The following CCDC12 variants were observed in gnomAD, a reference collection of about 807,000 sequenced individuals.
CCDC12 encodes the protein coiled-coil domain-containing protein 12.
Under a neutral mutation model 25.7 loss-of-function variants are expected in CCDC12, and 28 were observed. That is an observed-to-expected ratio of 1.09 (90% CI 0.81 to 1.50). CCDC12 has a LOEUF of 1.50. CCDC12 is among the 40% of genes most tolerant of loss of function. The probability of loss-of-function intolerance (pLI) is 0.00; values close to 1 mark genes in which losing one functional copy is unlikely to be tolerated. For missense variants in CCDC12, 198 were observed against 210.0 expected (o/e 0.94, Z 0.35); for synonymous variants, 75 against 87.7 (o/e 0.86, Z 0.81).
chr3:46,961,785 A>G (rs762656479), intron 1 of CCDC12, among the ~76,000 whole-genome samples: 9 of 152,224 alleles, frequency 5.9e-5, no homozygotes, highest in Non-Finnish European at 8.8e-5. Flanking sequence ...TATATGTACA[A>G]TGACAATTAT....
Position 46,923,426 on chromosome 3 carries a change from G to C in CCDC12, c.307-63C>G, listed in dbSNP as rs762717164. ...CACCCCAGGACAAGGGGGAGGGCAG[G>C]CTCGAGAAGGAGGGAAATGGGAGAA... On this transcript the variant is annotated intron_variant, in intron 4 of 6. Coordinates refer to ENST00000683445, the MANE Select transcript of CCDC12 (RefSeq NM_001277074.2). The C allele has an allele frequency of 8.4e-6, 13 of 1,554,414 alleles. No homozygotes were observed. In the African/African-American group the frequency reaches 1.6e-4, roughly 19 times the overall value.
intron 2 of CCDC12, among the ~76,000 whole-genome samples, chr3:46,934,220 G>C (rs2033350455): frequency 6.6e-6 from 1 of 152,252 alleles, no homozygotes. Context: ...GGGGGACAGG[G>C]GCCTGCATAG....
intron 1 of CCDC12, among the ~76,000 whole-genome samples, chr3:46,957,960 T>TACACACACACACACACACAC (rs367926661): frequency 5.6e-4 from 36 of 64,742 alleles, no homozygotes; most frequent in Non-Finnish European, 7.6e-4. Flanking sequence ...AAAAAATAAA[T>TACACACACACACACACACAC]ACACACACAC....
At chr3:46,970,592 T>C (rs1358357897) in intron 1 of CCDC12, among the ~76,000 whole-genome samples, 1 of 152,224 alleles carries the variant, frequency 6.6e-6, no homozygotes, top group Non-Finnish European at 1.5e-5. Context: ...GCCTGGAACC[T>C]GCAACTTGAC....
intron 1 of CCDC12, among the ~76,000 whole-genome samples, chr3:46,944,686 G>T (rs1467628173): frequency 6.6e-6 from 1 of 151,102 alleles, no homozygotes; most frequent in Admixed American, 6.6e-5. Context: ...CTGCCTGCCA[G>T]CCAGCCTTCC....
At chr3:46,951,798 A>AAAAAAAAAAAAAAAAAAAAAAT in intron 1 of CCDC12, among the ~76,000 whole-genome samples, 1 of 8,476 alleles carries the variant, frequency 1.2e-4, no homozygotes, top group Non-Finnish European at 2.8e-4. Flanking sequence ...AAAAAAAAAA[A>AAAAAAAAAAAAAAAAAAAAAAT]ATATATATAT....
chr3:46,952,434 T>A (rs2107164109), intron 1 of CCDC12, among the ~76,000 whole-genome samples: 1 of 152,320 alleles, frequency 6.6e-6, no homozygotes. Context: ...CGCTGCCACA[T>A]CCTCAGTTCT....
intron 2 of CCDC12, among the ~76,000 whole-genome samples, chr3:46,936,855 T>A (rs1047048103): frequency 6.6e-6 from 1 of 152,018 alleles, no homozygotes; most frequent in African/African-American, 2.4e-5. Flanking sequence ...TAATGGGACA[T>A]AGGGAGCCGA....
intron 1 of CCDC12, among the ~76,000 whole-genome samples, chr3:46,961,194 G>A (rs572045120): frequency 6.6e-6 from 1 of 152,008 alleles, no homozygotes; most frequent in Non-Finnish European, 1.5e-5. Context: ...GGAGGTATGT[G>A]GGATAGGTTA....
At chr3:46,948,384 G>A (rs1365886014) in intron 1 of CCDC12, among the ~76,000 whole-genome samples, 1 of 152,214 alleles carries the variant, frequency 6.6e-6, no homozygotes. Context: ...GATAAGGACT[G>A]GAGATAAGGA....
At chr3:46,963,394 CCTCTCCCTCTCCCTCTCCTCA>C (rs1360103887) in intron 1 of CCDC12, among the ~76,000 whole-genome samples, 5 of 2,328 alleles carry the variant, frequency 2.1e-3, no homozygotes, top group South Asian at 0.12. Flanking sequence ...TAGCCCTCTC[CCTCTCCCTCTCCCTCTCCTCA>C]CGGTCTCCCT....
At chr3:46,945,005 G>C (rs1260811178) in intron 1 of CCDC12, among the ~76,000 whole-genome samples, 1 of 151,934 alleles carries the variant, frequency 6.6e-6, no homozygotes, top group Admixed American at 6.6e-5. Context: ...AGTCCTAAAG[G>C]CCAGGCCAAA....
intron 1 of CCDC12, 67 bp downstream of exon 1, chr3:46,976,567 TCTC>T (rs2035000771): frequency 1.3e-6 from 2 of 1,548,786 alleles, no homozygotes; most frequent in African/African-American, 1.4e-5. Context: ...AGCCCTTTGC[TCTC>T]CTCAAGCGCG....
chr3:46,942,406 A>G (rs1363436822), intron 1 of CCDC12, among the ~76,000 whole-genome samples: 39 of 152,264 alleles, frequency 2.6e-4, no homozygotes, highest in Admixed American at 2.0e-3. Context: ...GTTCTAAGAG[A>G]GATCTGTGAG....
chr3:46,977,788 C>G (rs547187077), upstream of CCDC12, among the ~76,000 whole-genome samples: 2 of 152,318 alleles, frequency 1.3e-5, no homozygotes, highest in South Asian at 4.1e-4. Flanking sequence ...CAGTGGGCCT[C>G]AAGTACTGCC....
intron 1 of CCDC12, among the ~76,000 whole-genome samples, chr3:46,944,921 C>G (rs1453123052): frequency 1.3e-5 from 2 of 152,196 alleles, no homozygotes; most frequent in African/African-American, 4.8e-5. Context: ...CCAGAACACT[C>G]TTACACCCCA....
intron 1 of CCDC12, among the ~76,000 whole-genome samples, chr3:46,969,226 G>A (rs1252240877): frequency 6.6e-6 from 1 of 152,024 alleles, no homozygotes; most frequent in African/African-American, 2.4e-5. Context: ...CCTGGCCAGG[G>A]ACCCTCCCTA....
At chr3:46,949,751 G>A (rs6774733) in intron 1 of CCDC12, among the ~76,000 whole-genome samples, 74,819 of 151,966 alleles carry the variant, frequency 0.49, 19,839 homozygotes, top group Non-Finnish European at 0.58. Context: ...CCTGCTGGCC[G>A]GGCACAGTGG....
chr3:46,959,055 TA>T (rs34423565), intron 1 of CCDC12, among the ~76,000 whole-genome samples: 74,603 of 151,992 alleles, frequency 0.49, 19,779 homozygotes, highest in Non-Finnish European at 0.58. Context: ...GAAGTAAAGG[TA>T]AGACAGCTGT....
Sources: gnomAD v4.1 joint callset for allele counts (sites outside exome capture counted in the v4.1 genomes callset) on GRCh38, gnomAD v4.1.1 for gene constraint, MANE v1.5 for transcripts, NCBI Gene and HGNC (gene_info 2026-07-23, HGNC 2026-07-21) for gene names.